SPRR2G: variants seen among roughly 807,000 people sequenced by gnomAD.
The protein encoded by SPRR2G is small proline rich protein 2G.
In SPRR2G, 1 loss-of-function variant was observed where a neutral mutation model predicts 0.7. That is an observed-to-expected ratio of 1.49 (90% CI 0.53 to 7.06). SPRR2G has a LOEUF of 7.06. SPRR2G is among the 30% of genes most tolerant of loss of function. SPRR2G has a pLI of 0.14. For missense variants in SPRR2G, 96 were observed against 88.5 expected, an observed-to-expected ratio of 1.09 and a Z score of -0.34; for synonymous variants, 38 against 33.9, an observed-to-expected ratio of 1.12 and a Z score of -0.42.
the SPRR2G span, among the ~76,000 whole-genome samples, chr1:153,156,314 G>T: frequency 6.6e-6 from 1 of 152,092 alleles, no homozygotes; most frequent in Non-Finnish European, 1.5e-5. Context: ...ATAGCAATTG[G>T]AATTACAGAT....
At chr1:153,181,472 C>G in the SPRR2G span, among the ~76,000 whole-genome samples, 1 of 152,150 alleles carries the variant, frequency 6.6e-6, no homozygotes, top group East Asian at 1.9e-4. Flanking sequence ...TAACTATAGT[C>G]AGCTCACTCT....
In SPRR2G at chr1:153,149,772, C is replaced by A; in HGVS notation, c.*117G>T. The A allele has an allele frequency of 2.3e-6, 3 of 1,321,500 alleles. No homozygotes were observed. Among genetic ancestry groups the A allele is most frequent in the Non-Finnish European group, 3.2e-6 (3 of 934,416 alleles). 81.9% of individuals were successfully genotyped at this position (1,321,500 alleles called of 1,614,324 possible). On this transcript the variant is annotated 3_prime_UTR_variant, in exon 2 of 2. Coordinates refer to ENST00000368748, the MANE Select transcript of SPRR2G (RefSeq NM_001014291.4). ...TTTCTCTGTCAACGCTCAAGCCAGACAGAGGTTAGGGAAGATGCAGCCTCC... is the reference window on the plus strand; with the variant it reads ...TTTCTCTGTCAACGCTCAAGCCAGAAAGAGGTTAGGGAAGATGCAGCCTCC...
At chr1:153,195,528 G>C in the SPRR2G span, among the ~76,000 whole-genome samples, 2 of 152,160 alleles carry the variant, frequency 1.3e-5, no homozygotes, top group Non-Finnish European at 2.9e-5. Context: ...CAAGTATGGA[G>C]TTTTCCTTCC....
chr1:153,152,065 C>T (rs566125106), upstream of SPRR2G, among the ~76,000 whole-genome samples: 38 of 152,184 alleles, frequency 2.5e-4, 1 homozygote, highest in Admixed American at 1.2e-3. Flanking sequence ...ATAAAAAATA[C>T]ACCTACCACA....
At chr1:153,197,841 A>G in the SPRR2G span, among the ~76,000 whole-genome samples, 3,501 of 152,288 alleles carry the variant, frequency 0.023, 310 homozygotes, top group Admixed American at 0.16. Flanking sequence ...TTAGAGAGAA[A>G]AGCAATTGCG....
At chr1:153,154,954 A>G (rs751956388), upstream of SPRR2G, among the ~76,000 whole-genome samples, 8 of 152,126 alleles carry the variant, frequency 5.3e-5, no homozygotes, top group Non-Finnish European at 1.0e-4. Context: ...CACAGTGCCA[A>G]TCATTCCATC....
At chr1:153,156,898 T>C in the SPRR2G span, among the ~76,000 whole-genome samples, 1 of 152,322 alleles carries the variant, frequency 6.6e-6, no homozygotes, top group South Asian at 2.1e-4. Flanking sequence ...TGTTTCCTTT[T>C]TAGAACTCAG....
the SPRR2G span, among the ~76,000 whole-genome samples, chr1:153,193,096 G>A: frequency 6.6e-6 from 1 of 152,118 alleles, no homozygotes; most frequent in African/African-American, 2.4e-5. Flanking sequence ...AGAAAAGGAT[G>A]TAGCTTTTCT....
the SPRR2G span, among the ~76,000 whole-genome samples, chr1:153,182,663 T>TA: frequency 6.6e-6 from 1 of 152,164 alleles, no homozygotes; most frequent in Non-Finnish European, 1.5e-5. Context: ...GTTCCTGCGT[T>TA]AGTTTGCTAA....
chr1:153,170,192 A>G, the SPRR2G span, among the ~76,000 whole-genome samples: 3 of 152,214 alleles, frequency 2.0e-5, no homozygotes, highest in Admixed American at 1.3e-4. Flanking sequence ...AAAGTACTCT[A>G]AAATTGAGGA....
chr1:153,164,653 T>C, the SPRR2G span, among the ~76,000 whole-genome samples: 3 of 152,220 alleles, frequency 2.0e-5, no homozygotes, highest in African/African-American at 4.8e-5. Flanking sequence ...ATTTAAATCA[T>C]CTTTAGATTA....
At chr1:153,155,194 G>A (rs1319918366), upstream of SPRR2G, among the ~76,000 whole-genome samples, 1 of 151,990 alleles carries the variant, frequency 6.6e-6, no homozygotes, top group African/African-American at 2.4e-5. Context: ...ATCTACATTT[G>A]CACTCCAGAA....
the SPRR2G span, among the ~76,000 whole-genome samples, chr1:153,185,339 C>CTT: frequency 0.011 from 1,581 of 137,820 alleles, 32 homozygotes; most frequent in African/African-American, 0.039. Flanking sequence ...TGGTCCTGGG[C>CTT]TTTTTTTTTT....
chr1:153,158,853 A>T, the SPRR2G span, among the ~76,000 whole-genome samples: 2 of 152,218 alleles, frequency 1.3e-5, no homozygotes, highest in Non-Finnish European at 2.9e-5. Flanking sequence ...GGAAGCTGCC[A>T]AGGTTTCAGA....
the SPRR2G span, among the ~76,000 whole-genome samples, chr1:153,171,621 A>G: frequency 6.6e-6 from 1 of 152,202 alleles, no homozygotes; most frequent in Non-Finnish European, 1.5e-5. Flanking sequence ...GGGCTTGGGT[A>G]TCATGCACCA....
chr1:153,150,169 C>G, intron 1 of SPRR2G, 38 bp from the exon 2 acceptor site: 1 of 1,604,812 alleles, frequency 6.2e-7, no homozygotes, highest in South Asian at 1.1e-5. Flanking sequence ...ATAAGAGAGA[C>G]AGTCCTGTTG....
At chr1:153,199,334 C>G in the SPRR2G span, among the ~76,000 whole-genome samples, 1 of 152,100 alleles carries the variant, frequency 6.6e-6, no homozygotes, top group Admixed American at 6.5e-5. Context: ...GCTACAGGAG[C>G]CATGCACAGC....
chr1:153,175,501 A>T, the SPRR2G span, among the ~76,000 whole-genome samples: 1 of 152,012 alleles, frequency 6.6e-6, no homozygotes, highest in Non-Finnish European at 1.5e-5. Flanking sequence ...CAGCCTTCAC[A>T]CATGCTGCTC....
In SPRR2G at chr1:153,149,881, T is replaced by C. The variant is rs1015915439; in HGVS notation, c.*8A>G. On this transcript the variant is annotated 3_prime_UTR_variant, in exon 2 of 2. Coordinates refer to ENST00000368748, the MANE Select transcript of SPRR2G (RefSeq NM_001014291.4). ...GTTGTTTCATGGTCCTGATGAATTC[T>C]AGTGATGTTACTTGCTCTTGGGTGG... 6 of 1,613,958 alleles carry C rather than the reference T, an allele frequency of 3.7e-6. No individual in the cohort carries two copies. Among genetic ancestry groups the C allele is most frequent in the African/African-American group, 1.3e-5 (1 of 74,928 alleles).
Sources: allele counts gnomAD v4.1 joint callset (sites outside exome capture counted in the v4.1 genomes callset), GRCh38; gene constraint gnomAD v4.1.1; transcripts MANE v1.5; gene names NCBI Gene and HGNC (gene_info 2026-07-23, HGNC 2026-07-21).